WDR75: variants seen among roughly 807,000 people sequenced by gnomAD.
WDR75 encodes the protein WD repeat-containing protein 75.
A neutral mutation model predicts 106.1 loss-of-function variants in WDR75; 52 were observed. The ratio of observed to expected loss-of-function variants is 0.49; its 90% CI spans 0.39 to 0.62. The LOEUF (loss-of-function observed/expected upper bound fraction) is 0.62, where lower values mean the gene tolerates loss of function less well. Among genes scored for constraint, WDR75 ranks in the 20% least tolerant of loss-of-function variants. WDR75 has a pLI of 0.00. For missense variants in WDR75, 905 were observed against 970.3 expected, an observed-to-expected ratio of 0.93 and a Z score of 0.89; for synonymous variants, 333 against 335.5, an observed-to-expected ratio of 0.99 and a Z score of 0.08.
chr2:189,455,277 C>G (rs772236277), intron 4 of WDR75, 43 bp from the exon 5 acceptor site: 14 of 1,581,852 alleles, frequency 8.9e-6, no homozygotes, highest in East Asian at 2.2e-5. Context: ...CATGTTTGCT[C>G]TCTCTAGAGA....
chr2:189,450,088 C>G, intron 2 of WDR75: 1 of 967,974 alleles, frequency 1.0e-6, no homozygotes, highest in Non-Finnish European at 1.2e-6. Context: ...AGTTACCATT[C>G]TGTATAAGAG....
intron 5 of WDR75, among the ~76,000 whole-genome samples, chr2:189,456,172 G>A (rs535267691): frequency 3.0e-4 from 46 of 152,240 alleles, no homozygotes; most frequent in Admixed American, 2.6e-3. Context: ...CTTCAGCATT[G>A]TTAGTCATCA....
At chr2:189,448,657 C>G in intron 2 of WDR75, 149 bp downstream of exon 2, 1 of 975,070 alleles carries the variant, frequency 1.0e-6, no homozygotes, top group South Asian at 1.5e-5. Flanking sequence ...TGCTAAATTA[C>G]ATTGCCTATA....
intron 18 of WDR75, among the ~76,000 whole-genome samples, chr2:189,471,766 A>G (rs554298819): frequency 7.9e-5 from 12 of 152,216 alleles, no homozygotes; most frequent in African/African-American, 1.4e-4. Flanking sequence ...CCTCTACTCT[A>G]TTAGTGGTGT....
At chr2:189,446,365 G>A (rs1033916638) in intron 1 of WDR75, among the ~76,000 whole-genome samples, 1 of 152,128 alleles carries the variant, frequency 6.6e-6, no homozygotes, top group African/African-American at 2.4e-5. Flanking sequence ...CTGAAGAGTG[G>A]CCCAGGCTGG....
chr2:189,465,649 A>G (rs1443562134), intron 12 of WDR75, among the ~76,000 whole-genome samples: 6 of 151,998 alleles, frequency 3.9e-5, no homozygotes, highest in Non-Finnish European at 8.8e-5. Flanking sequence ...TAAGGAATCC[A>G]CTCTCGTACT....
At chr2:189,444,501 G>A (rs1490340464) in intron 1 of WDR75, among the ~76,000 whole-genome samples, 1 of 152,060 alleles carries the variant, frequency 6.6e-6, no homozygotes, top group African/African-American at 2.4e-5. Context: ...TATTGCACTG[G>A]GGTTGTTAGG....
rs567386636 is a variant in WDR75, at chr2:189,462,696, G to A, written c.937+54G>A. 5.2e-6 allele frequency: 8 copies of A among 1,539,934 alleles called. No homozygotes were observed. In the East Asian group the frequency reaches 6.7e-5, roughly 13 times the overall value. On this transcript the variant is annotated intron_variant, in intron 9 of 20. Coordinates refer to ENST00000314761, the MANE Select transcript of WDR75 (RefSeq NM_032168.3). ...ATATATAAACACCATAAATTAGCTA[G>A]CATCTGTAGGGAACAGAGAATAAAG...
chr2:189,469,574 G>T, intron 16 of WDR75, 135 bp downstream of exon 16: 1 of 661,366 alleles, frequency 1.5e-6, no homozygotes, highest in Non-Finnish European at 2.6e-6. Context: ...GCCCTTCTTT[G>T]CCCCAACACT....
Position 189,475,468 on chromosome 2 carries a change from G to A in WDR75, c.*51G>A. The A allele has an allele frequency of 9.2e-7, 1 of 1,086,982 alleles. No homozygotes were observed. The highest frequency in any genetic ancestry group is 1.3e-6 in the Non-Finnish European group (1 of 754,036). The allele number at this position is 1,086,982 out of a possible 1,614,324, so 67.3% of individuals were successfully genotyped here. ...GACTTTGTGTTTTTGATTGTATGTT[G>A]ATATTCTAAAAACATCTATTTTAAT... is the stretch of plus-strand genomic sequence containing the variant. On this transcript the variant is annotated 3_prime_UTR_variant, in exon 21 of 21. Transcript: ENST00000314761.
intron 6 of WDR75, among the ~76,000 whole-genome samples, chr2:189,458,046 C>T (rs1686777248): frequency 6.6e-6 from 1 of 151,034 alleles, no homozygotes; most frequent in Admixed American, 6.6e-5. Context: ...GTCTCAGCCT[C>T]CTGAGTAGCT....
At chr2:189,464,089 C>T (rs368785950) in intron 11 of WDR75, 128 bp downstream of exon 11, 141 of 786,828 alleles carry the variant, frequency 1.8e-4, no homozygotes, top group Non-Finnish European at 2.4e-4. Context: ...TAGTATTATC[C>T]GTGGTTACTT....
chr2:189,461,078 A>G (rs1558985945), intron 8 of WDR75, among the ~76,000 whole-genome samples: 1 of 152,260 alleles, frequency 6.6e-6, no homozygotes, highest in South Asian at 2.1e-4. Context: ...GTTTGTGTAC[A>G]TCACAACTAC....
chr2:189,442,896 A>C (rs1686414866), intron 1 of WDR75, among the ~76,000 whole-genome samples: 1 of 152,218 alleles, frequency 6.6e-6, no homozygotes, highest in South Asian at 2.1e-4. Context: ...GAATCAAAGG[A>C]AGAAACAGGC....
chr2:189,453,333 C>T (rs984059805), intron 4 of WDR75, among the ~76,000 whole-genome samples: 4 of 152,158 alleles, frequency 2.6e-5, no homozygotes, highest in African/African-American at 4.8e-5. Flanking sequence ...TTTTTAATAT[C>T]GTCCCAGGTG....
chr2:189,457,721 G>A (rs1325292860), intron 6 of WDR75, among the ~76,000 whole-genome samples: 1 of 152,108 alleles, frequency 6.6e-6, no homozygotes, highest in Non-Finnish European at 1.5e-5. Context: ...TTTGACATAT[G>A]TAAGTTTTAA....
intron 2 of WDR75, chr2:189,450,534 C>T (rs1170160311): frequency 1.0e-6 from 1 of 983,118 alleles, no homozygotes; most frequent in African/African-American, 1.8e-5. Context: ...CCAGGCTGGT[C>T]TCGAACTCCT....
At chr2:189,451,706 C>A in intron 3 of WDR75, 99 bp from the exon 4 acceptor site, 2 of 995,252 alleles carry the variant, frequency 2.0e-6, no homozygotes, top group Non-Finnish European at 3.1e-6. Flanking sequence ...GTTGGGAATA[C>A]AGCAATGAGC....
chr2:189,448,649 C>G (rs1188515673), intron 2 of WDR75, 141 bp downstream of exon 2: 38 of 1,081,186 alleles, frequency 3.5e-5, no homozygotes, highest in Non-Finnish European at 5.0e-5. Context: ...TTTCCACTTG[C>G]TAAATTACAT....
Sources: allele counts gnomAD v4.1 joint callset (sites outside exome capture counted in the v4.1 genomes callset), GRCh38; gene constraint gnomAD v4.1.1; transcripts MANE v1.5; gene names NCBI Gene and HGNC (gene_info 2026-07-23, HGNC 2026-07-21).